GPR176: variants seen among roughly 807,000 people sequenced by gnomAD.
The protein encoded by GPR176 is G protein-coupled receptor 176.
A neutral mutation model predicts 35.4 loss-of-function variants in GPR176; 26 were observed. The ratio of observed to expected loss-of-function variants is 0.74; its 90% CI spans 0.54 to 1.02. The LOEUF is 1.02. GPR176 is among the 50% of genes least tolerant of loss of function. The pLI, the probability that GPR176 is intolerant of heterozygous loss-of-function variation, is 0.00. For synonymous variants in GPR176, 278 were observed against 271.3 expected (o/e 1.02, Z -0.24); for missense variants, 597 against 665.3 (o/e 0.90, Z 1.13).
chr15:39,813,464 C>T (rs1899701697), intron 1 of GPR176: 1 of 152,202 alleles, frequency 6.6e-6, no homozygotes, highest in African/African-American at 2.4e-5. Context: ...CTTCACCCAG[C>T]AGTTGAAAGA....
Position 39,913,004 on chromosome 15 carries a change from G to A in GPR176, c.172+6851C>T, listed in dbSNP as rs372246374. Among the ~76,000 whole-genome samples the A allele has an allele frequency of 2.2e-4, 34 of 152,260 alleles. No individual in the cohort carries two copies. In the East Asian group the frequency reaches 6.0e-3, roughly 27 times the overall value. ...CACATGTCCACATAAAAACTTGTAC[G>A]TAAATATTCAGAGCAGCATTATTCA... On this transcript the variant is annotated intron_variant, in intron 1 of 2. Transcript: ENST00000561100.
intron 1 of GPR176, among the ~76,000 whole-genome samples, chr15:39,818,477 A>G (rs1900059959): frequency 6.6e-6 from 1 of 152,248 alleles, no homozygotes; most frequent in African/African-American, 2.4e-5. Context: ...TTCCCAAAGA[A>G]TAATGCAGAT....
chr15:39,841,688 G>A (rs644743), intron 1 of GPR176, among the ~76,000 whole-genome samples: 6,688 of 152,184 alleles, frequency 0.044, 537 homozygotes, highest in African/African-American at 0.15. Context: ...CAGACTTCTC[G>A]CCTACAGAAC....
At chr15:39,834,490 C>T (rs1901276271) in intron 1 of GPR176, among the ~76,000 whole-genome samples, 2 of 152,022 alleles carry the variant, frequency 1.3e-5, no homozygotes, top group South Asian at 2.1e-4. Flanking sequence ...GTCATTATAC[C>T]ACTTAAGATT....
chr15:39,816,980 G>C (rs929609169), intron 1 of GPR176, among the ~76,000 whole-genome samples: 26 of 145,754 alleles, frequency 1.8e-4, no homozygotes, highest in Middle Eastern at 3.6e-3. Context: ...GAGGCAGTAG[G>C]ATCACCTGAG....
At chr15:39,817,785 A>C (rs1157654540) in intron 1 of GPR176, among the ~76,000 whole-genome samples, 1 of 152,248 alleles carries the variant, frequency 6.6e-6, no homozygotes, top group Non-Finnish European at 1.5e-5. Flanking sequence ...GGAGAGTTCA[A>C]AAAAAGGCAC....
intron 1 of GPR176, among the ~76,000 whole-genome samples, chr15:39,817,845 T>G (rs1316107412): frequency 6.6e-6 from 1 of 152,214 alleles, no homozygotes; most frequent in Non-Finnish European, 1.5e-5. Context: ...GGAACCAACA[T>G]TAAACAACTG....
At chr15:39,845,917 C>A (rs1256073298) in intron 1 of GPR176, among the ~76,000 whole-genome samples, 2 of 152,064 alleles carry the variant, frequency 1.3e-5, no homozygotes, top group Non-Finnish European at 2.9e-5. Context: ...GCCAATGTAC[C>A]TGAAGCAAAG....
chr15:39,888,477 G>A (rs1281834878), intron 1 of GPR176, among the ~76,000 whole-genome samples: 1 of 152,152 alleles, frequency 6.6e-6, no homozygotes, highest in Non-Finnish European at 1.5e-5. Context: ...TGCCCAAGCT[G>A]TAGTGCCATG....
chr15:39,810,061 C>T (rs1040619709), intron 1 of GPR176, among the ~76,000 whole-genome samples: 4 of 150,872 alleles, frequency 2.7e-5, no homozygotes, highest in South Asian at 4.2e-4. Context: ...AGGAGAACGG[C>T]GTGAACCCAG....
chr15:39,833,160 C>T lies in GPR176; in HGVS notation c.173-25902G>A, dbSNP rs530603674. On this transcript the variant is annotated intron_variant, in intron 1 of 2. Coordinates refer to ENST00000561100, the MANE Select transcript of GPR176 (RefSeq NM_007223.3). ...CAATTCCACTCCCAAGTATACATAT[C>T]CAAGAAAAAGGAAAACATGTCCACA... Among the ~76,000 whole-genome samples, 48 of 152,100 alleles carry T rather than the reference C, an allele frequency of 3.2e-4. No individual in the cohort carries two copies. In the South Asian group the frequency reaches 9.3e-3, roughly 30 times the overall value.
At chr15:39,895,226 G>A (rs1412203446) in intron 1 of GPR176, among the ~76,000 whole-genome samples, 1 of 150,328 alleles carries the variant, frequency 6.7e-6, no homozygotes, top group African/African-American at 2.5e-5. Context: ...GAGGGAGAGG[G>A]AGACCGTGGG....
chr15:39,920,190 C>T lies in GPR176; in HGVS notation c.-164G>A, dbSNP rs1215468115. The stretch of plus-strand genomic sequence containing the variant: ...GTCTCCACATCGCCAACCCCGGCGC[C>T]CGGGAGGCGGGGAGGGAGGGAGGCG... On this transcript the variant is annotated 5_prime_UTR_variant, in exon 1 of 3. Coordinates refer to ENST00000561100, the MANE Select transcript of GPR176 (RefSeq NM_007223.3). 10 of 436,998 alleles carry T rather than the reference C, an allele frequency of 2.3e-5. No homozygotes were observed. Among genetic ancestry groups the T allele is most frequent in the Non-Finnish European group, 3.5e-5 (9 of 259,058 alleles). 27.1% of individuals were successfully genotyped at this position (436,998 alleles called of 1,614,324 possible).
intron 1 of GPR176, among the ~76,000 whole-genome samples, chr15:39,896,465 T>A (rs1566966474): frequency 6.6e-6 from 1 of 152,348 alleles, no homozygotes; most frequent in East Asian, 1.9e-4. Context: ...CATAATTGAA[T>A]CTCATATAAA....
intron 1 of GPR176, among the ~76,000 whole-genome samples, chr15:39,849,633 C>A (rs886932902): frequency 1.3e-5 from 2 of 152,128 alleles, no homozygotes; most frequent in Non-Finnish European, 2.9e-5. Context: ...TCTATTAACA[C>A]ACTAAAGAAG....
intron 1 of GPR176, among the ~76,000 whole-genome samples, chr15:39,917,377 C>T (rs1251357635): frequency 6.7e-6 from 1 of 149,364 alleles, no homozygotes; most frequent in African/African-American, 2.5e-5. Flanking sequence ...ACTCTGTTGC[C>T]CAGGCTGGAG....
chr15:39,837,603 T>C (rs371375965), intron 1 of GPR176, among the ~76,000 whole-genome samples: 1 of 152,096 alleles, frequency 6.6e-6, no homozygotes, highest in Non-Finnish European at 1.5e-5. Context: ...CTTAGCACAG[T>C]AGTGGTGATA....
intron 1 of GPR176, among the ~76,000 whole-genome samples, chr15:39,821,054 A>C (rs1272993686): frequency 6.6e-6 from 1 of 152,232 alleles, no homozygotes; most frequent in Non-Finnish European, 1.5e-5. Context: ...ACAGTGACAC[A>C]GATACGCAGA....
At chr15:39,811,773 G>A (rs546365073) in intron 1 of GPR176, among the ~76,000 whole-genome samples, 11 of 152,118 alleles carry the variant, frequency 7.2e-5, no homozygotes, top group East Asian at 5.8e-4. Context: ...AAAATTAGCC[G>A]GGCGTAGTAG....
Sources: gnomAD v4.1 joint callset for allele counts (sites outside exome capture counted in the v4.1 genomes callset) on GRCh38, gnomAD v4.1.1 for gene constraint, MANE v1.5 for transcripts, NCBI Gene and HGNC (gene_info 2026-07-23, HGNC 2026-07-21) for gene names.